The following DCC variants were observed in gnomAD, a reference collection of about 807,000 sequenced individuals.
DCC encodes DCC netrin 1 receptor, also known as netrin receptor DCC.
In DCC, 58 loss-of-function variants were observed where a neutral mutation model predicts 172.5. The observed-to-expected ratio is 0.34, with a 90% CI of 0.27 to 0.42. The LOEUF (loss-of-function observed/expected upper bound fraction) is 0.42. Ranked by LOEUF, DCC falls within the 10% of genes least tolerant of loss-of-function variation. The pLI is 1.00. For synonymous variants in DCC, 709 were observed against 644.5 expected (o/e 1.10, Z -1.52); for missense variants, 1,740 against 1,791.0 (o/e 0.97, Z 0.51).
chr18:53,117,167 G>C (rs2043420655), intron 7 of DCC, among the ~76,000 whole-genome samples: 1 of 151,704 alleles, frequency 6.6e-6, no homozygotes, highest in Admixed American at 6.6e-5. Context: ...ATTTGCTTAT[G>C]TGAGATCATT....
chr18:52,344,260 T>C (rs146679107), intron 1 of DCC, among the ~76,000 whole-genome samples: 8 of 152,350 alleles, frequency 5.3e-5, no homozygotes, highest in Non-Finnish European at 7.3e-5. Flanking sequence ...GCTGAAAGTT[T>C]CTGCTAGAGT....
chr18:53,218,471 A>G (rs974830564), intron 12 of DCC, among the ~76,000 whole-genome samples: 2 of 152,092 alleles, frequency 1.3e-5, no homozygotes, highest in Non-Finnish European at 2.9e-5. Flanking sequence ...AGATAATGAA[A>G]CTAAGAACAA....
At chr18:53,213,673 A>C (rs1338745860) in intron 11 of DCC, among the ~76,000 whole-genome samples, 4 of 150,432 alleles carry the variant, frequency 2.7e-5, no homozygotes, top group Admixed American at 2.0e-4. Context: ...AAAAAAAAAA[A>C]AGAAGTGACT....
chr18:52,975,659 A>G (rs1262758358), intron 5 of DCC, among the ~76,000 whole-genome samples: 1 of 151,978 alleles, frequency 6.6e-6, no homozygotes, highest in Non-Finnish European at 1.5e-5. Context: ...TGGCTTCCAA[A>G]TCCATCCATG....
chr18:52,544,019 A>G (rs984263584), intron 1 of DCC, among the ~76,000 whole-genome samples: 1 of 152,362 alleles, frequency 6.6e-6, no homozygotes, highest in Middle Eastern at 3.4e-3. Flanking sequence ...ACACTTTGAA[A>G]TCTGTGGACC....
At chr18:53,095,822 G>GT (rs1349742457) in intron 7 of DCC, among the ~76,000 whole-genome samples, 2 of 136,572 alleles carry the variant, frequency 1.5e-5, no homozygotes, top group Non-Finnish European at 3.1e-5. Flanking sequence ...AGGGTATGGG[G>GT]TTTTTTTCAT....
chr18:52,716,243 G>C (rs935475175), intron 1 of DCC, among the ~76,000 whole-genome samples: 7 of 152,222 alleles, frequency 4.6e-5, no homozygotes, highest in African/African-American at 1.7e-4. Context: ...TTTGCGTGTG[G>C]AACAAGTAAT....
chr18:53,478,776 G>C (rs1158278242), intron 25 of DCC, among the ~76,000 whole-genome samples: 1 of 152,148 alleles, frequency 6.6e-6, no homozygotes, highest in African/African-American at 2.4e-5. Context: ...ACAGTGACTT[G>C]GAGAAGCTGT....
intron 20 of DCC, among the ~76,000 whole-genome samples, chr18:53,412,492 G>A (rs1027885187): frequency 6.7e-6 from 1 of 149,988 alleles, no homozygotes; most frequent in African/African-American, 2.5e-5. Flanking sequence ...TTGGTGTAGA[G>A]CCAAATCTAC....
At chr18:52,421,254 T>C (rs1360799925) in intron 1 of DCC, among the ~76,000 whole-genome samples, 1 of 152,122 alleles carries the variant, frequency 6.6e-6, no homozygotes, top group Non-Finnish European at 1.5e-5. Flanking sequence ...TCAGAAATCA[T>C]GTAGACAGGT....
chr18:53,414,895 A>G (rs757815743), intron 20 of DCC, among the ~76,000 whole-genome samples: 2 of 152,170 alleles, frequency 1.3e-5, no homozygotes, highest in African/African-American at 2.4e-5. Flanking sequence ...TTCAAAATCT[A>G]CTACTTATCA....
chr18:53,119,057 C>T (rs1690340274), intron 7 of DCC, among the ~76,000 whole-genome samples: 1 of 151,742 alleles, frequency 6.6e-6, no homozygotes, highest in South Asian at 2.1e-4. Context: ...AAGGCTTATT[C>T]CAGTGTATTA....
At position 52,541,875 on chromosome 18, in the gene DCC, G is replaced by GTATATATATATATATATATATATGTATA. The variant is rs765428849; in HGVS notation, c.91+201018_91+201019insATGTATATATATATATATATATATATAT. Among the ~76,000 whole-genome samples, 476 of 115,096 alleles carry GTATATATATATATATATATATATGTATA rather than the reference G, an allele frequency of 4.1e-3. 7 individuals carry two copies. The highest frequency in any genetic ancestry group is 0.013 in the South Asian group (43 of 3,400). The allele number at this position is 115,096 out of a possible 152,430, so 75.5% of individuals were successfully genotyped here. A position where few individuals can be genotyped will look rare whatever the true frequency, so the allele number is the denominator to read the frequency against. On this transcript the variant is annotated intron_variant, in intron 1 of 28. Coordinates refer to ENST00000442544, the MANE Select transcript of DCC (RefSeq NM_005215.4). ...TTAAAAGTATATGATGTGTGTGTGT[G>GTATATATATATATATATATATATGTATA]TATATATATATATATATATATGTGT...
chr18:53,156,662 T>C (rs1022382022), intron 7 of DCC, among the ~76,000 whole-genome samples: 31 of 152,306 alleles, frequency 2.0e-4, no homozygotes, highest in Admixed American at 5.9e-4. Flanking sequence ...TCCTGGAGAT[T>C]ATGGCCCTCT....
chr18:52,953,758 G>T (rs574289774), intron 5 of DCC, among the ~76,000 whole-genome samples: 5 of 152,136 alleles, frequency 3.3e-5, no homozygotes. Flanking sequence ...GATCTAAAGG[G>T]CTCAAACACT....
At chr18:52,778,178 G>A (rs2037467514) in intron 2 of DCC, among the ~76,000 whole-genome samples, 1 of 152,158 alleles carries the variant, frequency 6.6e-6, no homozygotes, top group Non-Finnish European at 1.5e-5. Flanking sequence ...GTAGAGACGT[G>A]AAAGAAGCTG....
intron 15 of DCC, among the ~76,000 whole-genome samples, chr18:53,351,368 TGTATATATATATACA>T (rs1568074929): frequency 1.7e-4 from 8 of 47,330 alleles, no homozygotes; most frequent in South Asian, 1.6e-3. Flanking sequence ...ATATATATAC[TGTATATATATATACA>T]GTATATATAT....
chr18:52,505,281 A>C (rs1445409347), intron 1 of DCC, among the ~76,000 whole-genome samples: 1 of 152,160 alleles, frequency 6.6e-6, no homozygotes, highest in Admixed American at 6.6e-5. Flanking sequence ...ATTCATGTAT[A>C]ATTTTATTTT....
chr18:52,695,898 G>T (rs1319755179), intron 1 of DCC, among the ~76,000 whole-genome samples: 1 of 152,110 alleles, frequency 6.6e-6, no homozygotes, highest in African/African-American at 2.4e-5. Flanking sequence ...GGCACCACTG[G>T]GACCCAGGTG....
Sources: gnomAD v4.1 joint callset for allele counts (sites outside exome capture counted in the v4.1 genomes callset) on GRCh38, gnomAD v4.1.1 for gene constraint, MANE v1.5 for transcripts, NCBI Gene and HGNC (gene_info 2026-07-23, HGNC 2026-07-21) for gene names.